Variants in LNX1 observed in about 807,000 individuals in gnomAD.
LNX1 encodes E3 ubiquitin-protein ligase LNX.
A neutral mutation model predicts 68.4 loss-of-function variants in LNX1; 54 were observed. That is an observed-to-expected ratio of 0.79 (90% CI 0.63 to 0.99). The LOEUF is 0.99. Ranked by LOEUF, LNX1 falls within the 50% of genes least tolerant of loss-of-function variation. The pLI, the probability that LNX1 is intolerant of heterozygous loss-of-function variation, is 0.00. For synonymous variants in LNX1, 336 were observed against 350.0 expected, an observed-to-expected ratio of 0.96 and a Z score of 0.45; for missense variants, 906 against 926.4, an observed-to-expected ratio of 0.98 and a Z score of 0.29.
chr4:53,578,567 T>A (rs560020596), intron 1 of LNX1, among the ~76,000 whole-genome samples: 21 of 152,302 alleles, frequency 1.4e-4, no homozygotes, highest in Non-Finnish European at 2.1e-4. Flanking sequence ...CGTTATGGGG[T>A]CCATGACTGT....
chr4:53,471,289 C>G (rs12651687), intron 9 of LNX1, among the ~76,000 whole-genome samples: 2 of 151,698 alleles, frequency 1.3e-5, no homozygotes, highest in South Asian at 4.2e-4. Flanking sequence ...GCTAGCCATA[C>G]GTAGAGAGCT....
intron 2 of LNX1, among the ~76,000 whole-genome samples, chr4:53,527,051 T>TG (rs369011995): frequency 8.2e-6 from 1 of 121,492 alleles, no homozygotes; most frequent in African/African-American, 3.2e-5. Context: ...TCCCTGCCCC[T>TG]AAAAAAAAAA....
chr4:53,598,989 C>T (rs1307678937), intron 2 of LNX1, among the ~76,000 whole-genome samples: 1 of 152,168 alleles, frequency 6.6e-6, no homozygotes, highest in Non-Finnish European at 1.5e-5. Context: ...AATTGCTTAA[C>T]AGAGGAGTGT....
At position 53,628,362 on chromosome 4, in the gene LNX1, T is replaced by C. The variant is rs542102937; in HGVS notation, c.-215+23806A>G. Among the ~76,000 whole-genome samples, 4 of 152,232 alleles carry C rather than the reference T, an allele frequency of 2.6e-5. No individual in the cohort carries two copies. In the South Asian group the frequency reaches 8.3e-4, roughly 32 times the overall value. On this transcript the variant is annotated intron_variant, in intron 1 of 2. Coordinates refer to the LNX1 transcript ENST00000507168. ...AATAGACATTTCTCAAAAAAAGTTATACAAATAGCCAAGAAACATGGAAAA... is the reference window on the plus strand; with the variant it reads ...AATAGACATTTCTCAAAAAAAGTTACACAAATAGCCAAGAAACATGGAAAA...
At chr4:53,557,380 T>G (rs1433344618) in intron 2 of LNX1, among the ~76,000 whole-genome samples, 2 of 152,114 alleles carry the variant, frequency 1.3e-5, no homozygotes, top group Non-Finnish European at 2.9e-5. Context: ...TTCAAAAGCA[T>G]CAAAAATAAA....
At chr4:53,516,375 G>A (rs183501487) in intron 2 of LNX1, among the ~76,000 whole-genome samples, 171 of 152,228 alleles carry the variant, frequency 1.1e-3, no homozygotes, top group Middle Eastern at 6.8e-3. Context: ...CAAAGAAAAC[G>A]ACAATGTATG....
At position 53,460,753 on chromosome 4, in the gene LNX1, A is replaced by C. The variant is rs1289221646; in HGVS notation, c.*154T>G. The C allele has an allele frequency of 1.4e-6, 1 of 710,794 alleles. No homozygotes were observed. Among genetic ancestry groups the C allele is most frequent in the Admixed American group, 3.5e-5 (1 of 28,782 alleles). The allele number at this position is 710,794 out of a possible 1,614,324, so 44.0% of individuals were successfully genotyped here. On this transcript the variant is annotated 3_prime_UTR_variant, in exon 11 of 11. Coordinates refer to ENST00000263925, the MANE Select transcript of LNX1 (RefSeq NM_001126328.3). ...AATTTTTTTGGAATCATATTTTCTG[A>C]GGTGTAACTGGCTTTCATTAGATGA...
intron 4 of LNX1, among the ~76,000 whole-genome samples, chr4:53,506,198 T>G (rs1222526765): frequency 6.6e-6 from 1 of 152,210 alleles, no homozygotes; most frequent in Non-Finnish European, 1.5e-5. Flanking sequence ...GCTGGGTGAC[T>G]GGGCTAGTTA....
intron 2 of LNX1, among the ~76,000 whole-genome samples, chr4:53,516,960 C>T (rs1326375432): frequency 6.6e-6 from 1 of 152,168 alleles, no homozygotes; most frequent in Non-Finnish European, 1.5e-5. Context: ...TGAACTGCTG[C>T]CCCTGCCTGC....
chr4:53,471,840 G>C (rs1330187314), intron 9 of LNX1, among the ~76,000 whole-genome samples: 2 of 152,172 alleles, frequency 1.3e-5, no homozygotes, highest in Non-Finnish European at 2.9e-5. Flanking sequence ...GGAAACAACA[G>C]GTGCTGGAGA....
At chr4:53,503,614 ATGGAG>A (rs1725654593) in intron 4 of LNX1, among the ~76,000 whole-genome samples, 1 of 152,234 alleles carries the variant, frequency 6.6e-6, no homozygotes, top group East Asian at 1.9e-4. Context: ...TTGTTGTTCC[ATGGAG>A]AAAGCACAGG....
chr4:53,476,865 C>A lies in LNX1; in HGVS notation c.1780G>T (p.Glu594Ter). 1 of 1,614,206 alleles carries A rather than the reference C, an allele frequency of 6.2e-7. No individual in the cohort carries two copies. Among genetic ancestry groups the A allele is most frequent in the Non-Finnish European group, 8.5e-7 (1 of 1,180,030 alleles). Reference protein sequence around the residue: ...SIVLKALEVKEYEPQEDCSSP... With the variant: ...SIVLKALEVK ...CTGCAGTCTTCCTGGGGCTCATACTCTTTGACTTCCAAAGCTTTGAGTACT... is the reference window on the plus strand; with the variant it reads ...CTGCAGTCTTCCTGGGGCTCATACTATTTGACTTCCAAAGCTTTGAGTACT... The change falls in exon 9 of 11, where the codon GAG becomes TAG. Residue 594 changes from glutamate to a stop codon, truncating the protein, a stop_gained. Transcript: ENST00000263925. LOFTEE classifies it high-confidence loss of function.
At chr4:53,518,063 C>G (rs1355357818) in intron 2 of LNX1, among the ~76,000 whole-genome samples, 1 of 152,148 alleles carries the variant, frequency 6.6e-6, no homozygotes, top group African/African-American at 2.4e-5. Flanking sequence ...TGTTAATGAA[C>G]ACCAGACAGG....
intron 2 of LNX1, among the ~76,000 whole-genome samples, chr4:53,551,791 C>T (rs1418638082): frequency 6.6e-6 from 1 of 152,182 alleles, no homozygotes; most frequent in African/African-American, 2.4e-5. Context: ...ACTTTTCACT[C>T]CTGCTCAAAA....
chr4:53,616,752 T>C (rs2109854724), intron 1 of LNX1, among the ~76,000 whole-genome samples: 1 of 152,344 alleles, frequency 6.6e-6, no homozygotes, highest in East Asian at 1.9e-4. Context: ...TTAATTTAGT[T>C]AATTAGTTAT....
At chr4:53,647,486 AAG>A (rs200448899) in intron 1 of LNX1, among the ~76,000 whole-genome samples, 2,810 of 152,264 alleles carry the variant, frequency 0.018, 36 homozygotes, top group Middle Eastern at 0.027. Context: ...ATTTCTAACC[AAG>A]AGATATTTTT....
At chr4:53,521,635 A>G (rs1426607753) in intron 2 of LNX1, among the ~76,000 whole-genome samples, 1 of 152,228 alleles carries the variant, frequency 6.6e-6, no homozygotes, top group Non-Finnish European at 1.5e-5. Flanking sequence ...CAATATATTT[A>G]AAAGAAACAA....
chr4:53,625,408 T>C (rs1356707241), intron 1 of LNX1, among the ~76,000 whole-genome samples: 1 of 152,070 alleles, frequency 6.6e-6, no homozygotes, highest in East Asian at 1.9e-4. Context: ...AAGCAAAGGA[T>C]TTGAATAGAT....
chr4:53,537,726 T>C (rs1315554674), intron 2 of LNX1, among the ~76,000 whole-genome samples: 1 of 152,206 alleles, frequency 6.6e-6, no homozygotes, highest in Non-Finnish European at 1.5e-5. Context: ...CATTAGGCTG[T>C]GCCCCGAGTT....
Sources: allele counts gnomAD v4.1 joint callset (sites outside exome capture counted in the v4.1 genomes callset), GRCh38; gene constraint gnomAD v4.1.1; transcripts MANE v1.5; gene names NCBI Gene and HGNC (gene_info 2026-07-23, HGNC 2026-07-21).